PAXIP1: variants seen among roughly 807,000 people sequenced by gnomAD.
PAXIP1 encodes the protein PAX-interacting protein 1.
Under a neutral mutation model 140.6 loss-of-function variants are expected in PAXIP1, and 19 were observed. The ratio of observed to expected loss-of-function variants is 0.14; its 90% CI spans 0.09 to 0.20. PAXIP1 has a LOEUF of 0.20. Ranked by LOEUF, PAXIP1 falls within the 10% of genes least tolerant of loss-of-function variation. The probability of loss-of-function intolerance (pLI) is 1.00; values close to 1 mark genes in which losing one functional copy is unlikely to be tolerated. For missense variants in PAXIP1, 920 were observed against 1,208.6 expected (o/e 0.76, Z 3.54); for synonymous variants, 442 against 444.6 (o/e 0.99, Z 0.07).
At position 154,963,114 on chromosome 7, in the gene PAXIP1, C is replaced by T. The variant is rs911735149; in HGVS notation, c.1989+557G>A. 3.3e-5 allele frequency among the ~76,000 whole-genome samples: 5 copies of T among 152,188 alleles called. No individual in the cohort carries two copies. The highest frequency in any genetic ancestry group is 7.2e-5 in the African/African-American group (3 of 41,446). On this transcript the variant is annotated intron_variant, in intron 9 of 20. Coordinates refer to ENST00000404141, the MANE Select transcript of PAXIP1 (RefSeq NM_007349.4). This position sits in a 1 kb window ranked among gnomAD's most constrained non-coding sequence, Gnocchi z 4.1. Reference sequence around the variant, plus strand: ...AGTCACACACCAGTACAGAATCCTGCGTCCCTTCACCGTGCACAGAGAGCA... The same window carrying T: ...AGTCACACACCAGTACAGAATCCTGTGTCCCTTCACCGTGCACAGAGAGCA...
intron 14 of PAXIP1, 26 bp downstream of exon 14, chr7:154,957,198 G>T: frequency 7.1e-7 from 1 of 1,399,888 alleles, no homozygotes; most frequent in Non-Finnish European, 1.0e-6. Flanking sequence ...AGCCAGCAAT[G>T]AAAAATTTAA....
intron 2 of PAXIP1, among the ~76,000 whole-genome samples, chr7:154,994,045 C>A (rs973149923): frequency 6.6e-6 from 1 of 151,864 alleles, no homozygotes; most frequent in Non-Finnish European, 1.5e-5. Context: ...TACTGCTGAC[C>A]CCCACATTTA....
chr7:155,002,932 T>C lies in PAXIP1; in HGVS notation c.-3A>G. On this transcript the variant is annotated 5_prime_UTR_variant, in exon 1 of 21. Coordinates refer to ENST00000404141, the MANE Select transcript of PAXIP1 (RefSeq NM_007349.4). ...ACTTTGGGCGCCTGGTCCGACATGA[T>C]CGCGGCGGCCCGGGAGGCTCCGCGG... 1.5e-6 allele frequency: 2 copies of C among 1,307,352 alleles called. No homozygotes were observed. Among genetic ancestry groups the C allele is most frequent in the East Asian group, 4.1e-5 (1 of 24,498 alleles). 81.0% of individuals were successfully genotyped at this position (1,307,352 alleles called of 1,614,324 possible). A position where few individuals can be genotyped will look rare whatever the true frequency, so the allele number is the denominator to read the frequency against.
Position 154,963,854 on chromosome 7 carries a change from T to A in PAXIP1, c.1894-88A>T. 1 of 824,686 alleles carries A rather than the reference T, an allele frequency of 1.2e-6. No individual in the cohort carries two copies. Among genetic ancestry groups the A allele is most frequent in the East Asian group, 2.7e-5 (1 of 37,568 alleles). 51.1% of individuals were successfully genotyped at this position (824,686 alleles called of 1,614,324 possible). On this transcript the variant is annotated intron_variant, in intron 8 of 20. Coordinates refer to ENST00000404141, the MANE Select transcript of PAXIP1 (RefSeq NM_007349.4). The surrounding 1 kb of genome is among the most constrained non-coding windows in gnomAD (Gnocchi z 4.1). Reference sequence around the variant, plus strand: ...TCAAATAAGGCAGCTATTAAAAGACTCTATCATATATTTATATCATGTATT... The same window carrying A: ...TCAAATAAGGCAGCTATTAAAAGACACTATCATATATTTATATCATGTATT...
rs1294727104 is a variant in PAXIP1 at position 154,967,873 on chromosome 7, T to A, written c.1836A>T (p.Ala612=). The change falls in exon 8 of 21, where the codon GCA becomes GCT. Residue 612 remains alanine, a synonymous_variant. Transcript: ENST00000404141. The part of the protein sequence containing the change: ...EEGFLLGCVF[A]IADYPEQMSD... ...ACATCTGCTCTGGATAATCCGCAAT[T>A]GCAAACACACATCCCAATAAGAAGC... is the stretch of plus-strand genomic sequence containing the variant. The A allele has an allele frequency of 6.2e-7, 1 of 1,613,734 alleles. No individual in the cohort carries two copies. The highest frequency in any genetic ancestry group is 1.7e-5 in the Admixed American group (1 of 59,998).
At chr7:154,984,697 CATTT>C (rs1161269363) in intron 4 of PAXIP1, among the ~76,000 whole-genome samples, 1 of 152,166 alleles carries the variant, frequency 6.6e-6, no homozygotes, top group Non-Finnish European at 1.5e-5. Context: ...TTCACAAAAA[CATTT>C]ATATCCTGCA....
Position 154,954,221 on chromosome 7 carries a change from C to A in PAXIP1, c.2821+34G>T. ...TCAAGAAAAAAAAAAGTTTATTTGGCATTAAAAGCAAAGTTACTGGCGCTG... is the reference window on the plus strand; with the variant it reads ...TCAAGAAAAAAAAAAGTTTATTTGGAATTAAAAGCAAAGTTACTGGCGCTG... On this transcript the variant is annotated intron_variant, in intron 16 of 20. Transcript: ENST00000404141. The surrounding 1 kb of genome is among the most constrained non-coding windows in gnomAD (Gnocchi z 5.1). 7.4e-7 allele frequency: 1 copy of A among 1,352,176 alleles called. No individual in the cohort carries two copies. Among genetic ancestry groups the A allele is most frequent in the Non-Finnish European group, 9.7e-7 (1 of 1,034,574 alleles). The allele number at this position is 1,352,176 out of a possible 1,614,324, so 83.8% of individuals were successfully genotyped here.
chr7:154,992,364 T>C (rs1810375536), intron 3 of PAXIP1, among the ~76,000 whole-genome samples: 1 of 152,144 alleles, frequency 6.6e-6, no homozygotes, highest in Non-Finnish European at 1.5e-5. Context: ...CTTGCCAACA[T>C]GGTGAAACCC....
intron 16 of PAXIP1, 172 bp from the exon 17 acceptor site, chr7:154,948,175 A>C: frequency 1.7e-6 from 1 of 587,406 alleles, no homozygotes; most frequent in East Asian, 2.8e-5. Context: ...TCCCTCTAAA[A>C]ACAGCCAGAC....
chr7:154,948,302 T>C, intron 16 of PAXIP1: 1 of 294,766 alleles, frequency 3.4e-6, no homozygotes, highest in Non-Finnish European at 6.5e-6. Flanking sequence ...TTCCAGCACT[T>C]TGGGAAGCCG....
At chr7:154,997,726 T>C (rs1271048163) in intron 2 of PAXIP1, among the ~76,000 whole-genome samples, 1 of 152,242 alleles carries the variant, frequency 6.6e-6, no homozygotes, top group Non-Finnish European at 1.5e-5. Flanking sequence ...CCTCATTCTC[T>C]GCAATAAATT....
Position 154,991,027 on chromosome 7 carries a change from TC to T in PAXIP1, c.302del (p.Gly101GlufsTer30). On this transcript the variant is annotated frameshift_variant, in exon 4 of 21. Transcript: ENST00000404141. LOFTEE classifies it high-confidence loss of function. ...TTACCTGAGAAAGGCAGGCAGTGAT[TC>T]CAAAAAAAATCTGACATGATTCTGG... ...FSPESCQIFF[G>X]ITACLSQVSS... is the part of the protein sequence containing the mutation. 2.6e-6 allele frequency: 4 copies of T among 1,552,826 alleles called. No individual in the cohort carries two copies. The highest frequency in any genetic ancestry group is 2.4e-5 in the East Asian group (1 of 42,428).
intron 2 of PAXIP1, among the ~76,000 whole-genome samples, chr7:154,996,885 G>T (rs936806238): frequency 3.9e-5 from 6 of 152,200 alleles, no homozygotes; most frequent in African/African-American, 7.2e-5. Context: ...ACTTCTGGTA[G>T]TTGGCCTGGC....
At chr7:154,994,839 A>G (rs1003224615) in intron 2 of PAXIP1, among the ~76,000 whole-genome samples, 1 of 152,226 alleles carries the variant, frequency 6.6e-6, no homozygotes, top group Non-Finnish European at 1.5e-5. Flanking sequence ...AAAGGTTTTA[A>G]CTAAGTTACT....
At chr7:154,945,464 C>T (rs577036868) in intron 20 of PAXIP1, 15 of 923,622 alleles carry the variant, frequency 1.6e-5, no homozygotes, top group African/African-American at 1.2e-4. Context: ...CAGGCACACA[C>T]GAAGAAAAAA....
At chr7:154,965,138 T>G (rs1808949043) in intron 8 of PAXIP1, 1 of 152,244 alleles carries the variant, frequency 6.6e-6, no homozygotes, top group Non-Finnish European at 1.5e-5. Flanking sequence ...GGGTTTTCCC[T>G]CTATCTTGGG....
intron 8 of PAXIP1, chr7:154,967,202 T>A (rs1042546296): frequency 6.6e-6 from 1 of 152,382 alleles, no homozygotes; most frequent in African/African-American, 2.4e-5. Context: ...TCTTGCAGCA[T>A]GCTTGGCACA....
intron 20 of PAXIP1, chr7:154,944,434 T>G: frequency 3.2e-6 from 1 of 314,488 alleles, no homozygotes. Context: ...GGCCCAGCAA[T>G]AGCTGAAATG....
At chr7:154,975,523 T>TACACACAC (rs35537788) in intron 6 of PAXIP1, among the ~76,000 whole-genome samples, 173 bp downstream of exon 6, 2 of 150,218 alleles carry the variant, frequency 1.3e-5, no homozygotes, top group Non-Finnish European at 3.0e-5. Context: ...TATATACACA[T>TACACACAC]ACACACACAC....
Sources: gnomAD v4.1 joint callset for allele counts (sites outside exome capture counted in the v4.1 genomes callset) on GRCh38, gnomAD v4.1.1 for gene constraint, Gnocchi (gnomAD v3.1) non-coding constraint, MANE v1.5 for transcripts, NCBI Gene and HGNC (gene_info 2026-07-23, HGNC 2026-07-21) for gene names.